Variants in TBC1D22A observed in about 807,000 individuals in gnomAD.
TBC1D22A encodes the protein TBC1 domain family member 22A.
TBC1D22A carries 38 observed loss-of-function variants against 60.2 expected under a neutral mutation model. The ratio of observed to expected loss-of-function variants is 0.63; its 90% CI spans 0.49 to 0.83. The LOEUF (loss-of-function observed/expected upper bound fraction) is 0.83. TBC1D22A is among the 40% of genes least tolerant of loss of function. TBC1D22A has a pLI of 0.00. For synonymous variants in TBC1D22A, 302 were observed against 281.7 expected, an observed-to-expected ratio of 1.07 and a Z score of -0.72; for missense variants, 628 against 701.0, an observed-to-expected ratio of 0.90 and a Z score of 1.18.
chr22:46,904,125 A>ATCTGTCTGTCTGTCTGTCTG, intron 7 of TBC1D22A, among the ~76,000 whole-genome samples: 33 of 89,266 alleles, frequency 3.7e-4, no homozygotes, highest in African/African-American at 1.7e-3. Context: ...CTATCTATCT[A>ATCTGTCTGTCTGTCTGTCTG]TCTATCTATC....
Position 46,894,795 on chromosome 22 carries a change from C to T in TBC1D22A, c.849C>T (p.Asp283=), listed in dbSNP as rs775806735. The T allele has an allele frequency of 1.0e-4, 165 of 1,614,140 alleles. No homozygotes were observed. Among genetic ancestry groups the T allele is most frequent in the Middle Eastern group, 1.6e-4 (1 of 6,084 alleles). ...TCCTGCTTCTCCAGATCCACATAGA[C>T]ATCCCTCGCATGAGCCCTGAAGCGT... is the stretch of plus-strand genomic sequence containing the variant. ...HQDTYRQIHI[D]IPRMSPEALI... The change falls in exon 7 of 13, where the codon GAC becomes GAT. Residue 283 remains aspartate, a synonymous_variant. Transcript: ENST00000337137.
At chr22:47,144,407 C>A (rs534198976) in intron 12 of TBC1D22A, among the ~76,000 whole-genome samples, 1 of 152,358 alleles carries the variant, frequency 6.6e-6, no homozygotes, top group South Asian at 2.1e-4. Context: ...AGTGAGACCA[C>A]TTCTACCATA....
At chr22:47,112,108 C>T (rs768936392) in intron 12 of TBC1D22A, among the ~76,000 whole-genome samples, 25 of 152,354 alleles carry the variant, frequency 1.6e-4, no homozygotes, top group African/African-American at 4.1e-4. Flanking sequence ...TCGCATGCCA[C>T]GCGTCAGAGG....
rs552129983 is a variant in TBC1D22A at position 46,902,877 on chromosome 22, C to T, written c.900+8031C>T. Among the ~76,000 whole-genome samples the T allele has an allele frequency of 1.3e-4, 20 of 150,326 alleles. No individual in the cohort carries two copies. The East Asian group carries it at 2.7e-3, about 20-fold the overall frequency. On this transcript the variant is annotated intron_variant, in intron 7 of 12. Coordinates refer to ENST00000337137, the MANE Select transcript of TBC1D22A (RefSeq NM_014346.5). ...GAAGTGAGGGATGAAGACAGATGTG[C>T]GTGAAACCCAGAGAGATCATATACA...
intron 3 of TBC1D22A, among the ~76,000 whole-genome samples, chr22:46,796,010 A>C (rs2084633922): frequency 6.6e-6 from 1 of 152,164 alleles, no homozygotes; most frequent in South Asian, 2.1e-4. Context: ...CCCTGTCTGC[A>C]GTAAGGCCGG....
intron 10 of TBC1D22A, among the ~76,000 whole-genome samples, chr22:47,012,159 C>T (rs1016145054): frequency 6.6e-6 from 1 of 151,994 alleles, no homozygotes. Context: ...TGATCTGGAG[C>T]GACAATCTTC....
At chr22:46,779,722 G>A (rs1481864600) in intron 1 of TBC1D22A, among the ~76,000 whole-genome samples, 1 of 152,218 alleles carries the variant, frequency 6.6e-6, no homozygotes, top group Non-Finnish European at 1.5e-5. Flanking sequence ...AGCCCCTACT[G>A]GGTTCTCAGT....
intron 12 of TBC1D22A, among the ~76,000 whole-genome samples, chr22:47,113,346 G>T (rs1337765319): frequency 6.6e-6 from 1 of 152,164 alleles, no homozygotes; most frequent in Non-Finnish European, 1.5e-5. Context: ...GTGACTGGCT[G>T]GCTGGGGAGC....
Position 46,774,623 on chromosome 22 carries a change from C to T in TBC1D22A, c.62+11775C>T, listed in dbSNP as rs1370647578. Among the ~76,000 whole-genome samples, 7 of 152,364 alleles carry T rather than the reference C, an allele frequency of 4.6e-5. No individual in the cohort carries two copies. In the East Asian group the frequency reaches 1.4e-3, roughly 29 times the overall value. ...GGGCGCCCTCTCCTCCCTGAGTCTG[C>T]CTTCCGTAAACGGCCTGCAGTGGGG... On this transcript the variant is annotated intron_variant, in intron 1 of 12. Transcript: ENST00000337137.
intron 10 of TBC1D22A, among the ~76,000 whole-genome samples, chr22:47,021,725 C>A (rs1355848014): frequency 6.6e-6 from 1 of 152,262 alleles, no homozygotes; most frequent in East Asian, 1.9e-4. Flanking sequence ...TTGTTTTAAG[C>A]TGCTAAGTTT....
At chr22:47,151,457 G>T (rs2067499110) in intron 12 of TBC1D22A, among the ~76,000 whole-genome samples, 1 of 152,240 alleles carries the variant, frequency 6.6e-6, no homozygotes, top group African/African-American at 2.4e-5. Context: ...CAAGGAAAAA[G>T]ATCATTTTGC....
At chr22:47,005,611 TCA>T (rs2060094495) in intron 10 of TBC1D22A, among the ~76,000 whole-genome samples, 1 of 112,980 alleles carries the variant, frequency 8.9e-6, no homozygotes, top group African/African-American at 5.2e-5. Context: ...CTCTGTATAC[TCA>T]CATACCCCCT....
chr22:46,865,803 G>T (rs186646004), intron 4 of TBC1D22A, among the ~76,000 whole-genome samples: 2 of 152,176 alleles, frequency 1.3e-5, no homozygotes, highest in Non-Finnish European at 2.9e-5. Flanking sequence ...GTTCTGGGGC[G>T]TAAAGATACT....
At chr22:46,788,598 C>G (rs576397991) in intron 1 of TBC1D22A, among the ~76,000 whole-genome samples, 1 of 152,192 alleles carries the variant, frequency 6.6e-6, no homozygotes, top group African/African-American at 2.4e-5. Flanking sequence ...GTTCATGCCA[C>G]AGGGCGTCTG....
intron 8 of TBC1D22A, among the ~76,000 whole-genome samples, chr22:46,966,066 T>C (rs1212284107): frequency 6.6e-6 from 1 of 152,078 alleles, no homozygotes; most frequent in Admixed American, 6.6e-5. Context: ...GCGCTTCCCG[T>C]CCCTCTACAG....
At chr22:46,826,169 C>A (rs1325911415) in intron 4 of TBC1D22A, among the ~76,000 whole-genome samples, 1 of 152,214 alleles carries the variant, frequency 6.6e-6, no homozygotes, top group Admixed American at 6.5e-5. Context: ...GCGTGAGCCA[C>A]CACACCCAGC....
At chr22:46,823,987 A>G (rs1020877449) in intron 4 of TBC1D22A, among the ~76,000 whole-genome samples, 2 of 152,234 alleles carry the variant, frequency 1.3e-5, no homozygotes, top group African/African-American at 4.8e-5. Context: ...TGTGATTTAA[A>G]GTGTCCCTGT....
At chr22:46,812,095 G>C (rs2085401320) in intron 4 of TBC1D22A, among the ~76,000 whole-genome samples, 1 of 152,204 alleles carries the variant, frequency 6.6e-6, no homozygotes, top group Non-Finnish European at 1.5e-5. Flanking sequence ...TCAGAGCTGT[G>C]CTTTGGGGAG....
At chr22:46,791,613 C>T (rs1192914574) in intron 1 of TBC1D22A, among the ~76,000 whole-genome samples, 2 of 151,570 alleles carry the variant, frequency 1.3e-5, no homozygotes, top group Admixed American at 1.3e-4. Context: ...TGTCACAGGG[C>T]CAGCCGTGGC....
Sources: gnomAD v4.1 joint callset for allele counts (sites outside exome capture counted in the v4.1 genomes callset) on GRCh38, gnomAD v4.1.1 for gene constraint, MANE v1.5 for transcripts, NCBI Gene and HGNC (gene_info 2026-07-23, HGNC 2026-07-21) for gene names.